AK9: variants seen among roughly 807,000 people sequenced by gnomAD.
AK9 encodes the protein adenylate kinase 9.
AK9 carries 191 observed loss-of-function variants against 239.6 expected under a neutral mutation model. The ratio of observed to expected loss-of-function variants is 0.80; its 90% confidence interval spans 0.71 to 0.90. AK9 has a LOEUF of 0.90. Ranked by LOEUF, AK9 falls within the 40% of genes least tolerant of loss-of-function variation. The pLI, the probability that AK9 is intolerant of heterozygous loss-of-function variation, is 0.00. For missense variants in AK9, 1,995 were observed against 2,214.7 expected (o/e 0.90, Z 1.99); for synonymous variants, 689 against 721.0 (o/e 0.96, Z 0.71).
At chr6:109,558,746 T>C (rs1367880469) in intron 24 of AK9, among the ~76,000 whole-genome samples, 1 of 152,008 alleles carries the variant, frequency 6.6e-6, no homozygotes, top group African/African-American at 2.4e-5. Flanking sequence ...GATCAATTTA[T>C]AAGTTTCTAC....
intron 5 of AK9, among the ~76,000 whole-genome samples, chr6:109,665,024 A>C (rs1396037779): frequency 6.6e-6 from 1 of 152,150 alleles, no homozygotes; most frequent in African/African-American, 2.4e-5. Context: ...TGGGCAACAG[A>C]GCGAGACTCC....
At position 109,563,620 on chromosome 6, in the gene AK9, G is replaced by T; in HGVS notation, c.2728C>A (p.Leu910Ile). Residue 910 changes from leucine (L) to isoleucine (I), a missense_variant, in exon 24 of 41, where the codon CTA (leucine) becomes ATA (isoleucine). By Grantham distance (5) the Leu-to-Ile change is conservative (BLOSUM62 2). Around this residue, in one of 5 missense-constraint regions of AK9, gnomAD observed 1,290 missense variants for 1,392.7 expected, o/e 0.93. Coordinates refer to ENST00000424296, the MANE Select transcript of AK9 (RefSeq NM_001145128.3). ...YQTEAEVDEE[L>I]EEEEEEEGED... ...GCCTCTTCCTCTTCCTCTTCCTCTA[G>T]CTCCTCATCAACCTCTGCTTCAGTC... The T allele has an allele frequency of 6.4e-7, 1 of 1,550,652 alleles. No homozygotes were observed.
chr6:109,615,363 G>A (rs1353592219), intron 13 of AK9, among the ~76,000 whole-genome samples: 2 of 150,392 alleles, frequency 1.3e-5, no homozygotes, highest in African/African-American at 4.9e-5. Flanking sequence ...CTAGAATAAA[G>A]TCTAATACAA....
At chr6:109,664,924 C>T (rs879528014) in intron 5 of AK9, among the ~76,000 whole-genome samples, 38 of 151,784 alleles carry the variant, frequency 2.5e-4, no homozygotes, top group Non-Finnish European at 5.0e-4. Context: ...CCTGTAATCC[C>T]AGCTACTCGG....
At chr6:109,684,346 T>C (rs1240908056) in intron 1 of AK9, among the ~76,000 whole-genome samples, 1 of 151,996 alleles carries the variant, frequency 6.6e-6, no homozygotes, top group African/African-American at 2.4e-5. Flanking sequence ...GGGCAAAGAC[T>C]TCATGACTAA....
chr6:109,641,349 C>CTTTTTTT (rs913203723), intron 10 of AK9, among the ~76,000 whole-genome samples, 169 bp downstream of exon 10: 6 of 124,388 alleles, frequency 4.8e-5, no homozygotes, highest in Admixed American at 1.7e-4. Context: ...TTCTTTCTTT[C>CTTTTTTT]TTTTTTTTTT....
intron 27 of AK9, among the ~76,000 whole-genome samples, chr6:109,539,347 T>G (rs907516218): frequency 6.6e-6 from 1 of 152,256 alleles, no homozygotes; most frequent in African/African-American, 2.4e-5. Flanking sequence ...CTTCATTTCA[T>G]TCATTTGATC....
At chr6:109,605,426 G>GT (rs1792711383) in intron 17 of AK9, among the ~76,000 whole-genome samples, 1 of 152,084 alleles carries the variant, frequency 6.6e-6, no homozygotes, top group Non-Finnish European at 1.5e-5. Context: ...ATTCATTTGA[G>GT]TTTTTTCTTG....
In AK9 at chr6:109,494,092, T is replaced by C. The variant is rs1262022146; in HGVS notation, c.5422A>G (p.Ile1808Val). ...LPLPGYLEQG[I>V]ATSLIKAMNA... ...ATTGCTTTAATTAGAGAAGTTGCAA[T>C]ACCCTGCAGGGAGGGAACAATTCAA... The change falls in exon 40 of 41, where the codon ATT becomes GTT. Residue 1808 changes from isoleucine (I) to valine (V), a missense_variant. Transcript: ENST00000424296. The C allele has an allele frequency of 1.2e-6, 2 of 1,609,064 alleles. No homozygotes were observed. Among genetic ancestry groups the C allele is most frequent in the East Asian group, 2.2e-5 (1 of 44,800 alleles).
At chr6:109,576,207 A>G (rs1024344702) in intron 20 of AK9, among the ~76,000 whole-genome samples, 6 of 151,982 alleles carry the variant, frequency 3.9e-5, no homozygotes, top group Non-Finnish European at 8.8e-5. Flanking sequence ...TTCTGTGAAG[A>G]ATAATGATGG....
At chr6:109,638,045 G>T (rs1421671718) in intron 10 of AK9, among the ~76,000 whole-genome samples, 1 of 152,136 alleles carries the variant, frequency 6.6e-6, no homozygotes, top group Non-Finnish European at 1.5e-5. Context: ...CTGCTTAAGG[G>T]ATATGAATAA....
chr6:109,607,768 GGTGTGTGTGTGTGTGTGT>G (rs10648225), intron 17 of AK9, among the ~76,000 whole-genome samples: 1 of 145,380 alleles, frequency 6.9e-6, no homozygotes, highest in South Asian at 2.2e-4. Context: ...CCAGCAGAGG[GGTGTGTGTGTGTGTGTGT>G]GTGTGTGTGT....
In AK9 at chr6:109,585,169, A is replaced by G; in HGVS notation, c.2068T>C (p.Leu690=). Reference sequence around the variant, plus strand: ...TTTTTCTTTTGTAGTTCTTCTAATAATCTTTCTAAAATCTTAGAGTCAATT... The same window carrying G: ...TTTTTCTTTTGTAGTTCTTCTAATAGTCTTTCTAAAATCTTAGAGTCAATT... ...SEIDSKILER[L]LEELQKKKKE... Residue 690 remains leucine, a synonymous_variant, in exon 19 of 41, where the codon TTA becomes CTA. Coordinates refer to ENST00000424296, the MANE Select transcript of AK9 (RefSeq NM_001145128.3). 9.1e-7 allele frequency: 1 copy of G among 1,102,638 alleles called. No individual in the cohort carries two copies. The highest frequency in any genetic ancestry group is 1.2e-6 in the Non-Finnish European group (1 of 848,362). 68.3% of individuals were successfully genotyped at this position (1,102,638 alleles called of 1,614,324 possible). A position where few individuals can be genotyped will look rare whatever the true frequency, so the allele number is the denominator to read the frequency against.
At chr6:109,580,002 T>C (rs1458902412) in intron 19 of AK9, among the ~76,000 whole-genome samples, 2 of 152,192 alleles carry the variant, frequency 1.3e-5, no homozygotes, top group Non-Finnish European at 2.9e-5. Context: ...GTATGTATAA[T>C]ATAATTTTAA....
intron 12 of AK9, among the ~76,000 whole-genome samples, chr6:109,621,793 G>A (rs1302625619): frequency 7.0e-6 from 1 of 142,042 alleles, no homozygotes; most frequent in Admixed American, 7.2e-5. Context: ...CCTAATGCTA[G>A]ATGATGAGTT....
intron 12 of AK9, among the ~76,000 whole-genome samples, chr6:109,621,754 A>T (rs1794837793): frequency 1.4e-5 from 2 of 138,414 alleles, no homozygotes; most frequent in Admixed American, 7.4e-5. Flanking sequence ...GGGAGGGGGG[A>T]TGGGGGAGGG....
chr6:109,608,106 T>A (rs1410617311), intron 17 of AK9, among the ~76,000 whole-genome samples: 1 of 151,424 alleles, frequency 6.6e-6, no homozygotes, highest in East Asian at 1.9e-4. Flanking sequence ...TGAAATTCCG[T>A]CTTTACTAAA....
chr6:109,574,390 C>A (rs1264071665), intron 20 of AK9, among the ~76,000 whole-genome samples: 1 of 151,896 alleles, frequency 6.6e-6, no homozygotes, highest in African/African-American at 2.4e-5. Flanking sequence ...AACAAACAAA[C>A]AAACAACCCA....
chr6:109,619,773 A>G (rs1452711943), intron 12 of AK9, among the ~76,000 whole-genome samples: 2 of 151,964 alleles, frequency 1.3e-5, no homozygotes, highest in Admixed American at 6.6e-5. Context: ...CACTCCCTAA[A>G]TTCCCTTATG....
Sources: allele counts gnomAD v4.1 joint callset (sites outside exome capture counted in the v4.1 genomes callset), GRCh38; gene constraint gnomAD v4.1.1; regional missense constraint gnomAD v4.1.1; transcripts MANE v1.5; gene names NCBI Gene and HGNC (gene_info 2026-07-23, HGNC 2026-07-21).